Variants in ZNF229 observed in about 807,000 individuals in gnomAD.
ZNF229 encodes zinc finger protein 229.
Under a neutral mutation model 11.8 loss-of-function variants are expected in ZNF229, and 10 were observed. That is an observed-to-expected ratio of 0.85 (90% CI 0.52 to 1.44). The LOEUF is 1.44. ZNF229 is among the 40% of genes most tolerant of loss of function. The pLI is 0.00. For synonymous variants in ZNF229, 368 were observed against 374.8 expected (o/e 0.98, Z 0.21); for missense variants, 1,045 against 1,015.1 (o/e 1.03, Z -0.40).
intron 5 of ZNF229, chr19:44,431,919 T>C (rs1240907872): frequency 1.5e-6 from 1 of 651,286 alleles, no homozygotes; most frequent in African/African-American, 2.0e-5. Context: ...AGGAAAGAAA[T>C]TAGTGTCCTT....
At position 44,426,864 on chromosome 19, in the gene ZNF229, A is replaced by G. The variant is rs1412933449; in HGVS notation, c.*1439T>C. On this transcript the variant is annotated 3_prime_UTR_variant, in exon 6 of 6. Coordinates refer to ENST00000614049, the MANE Select transcript of ZNF229 (RefSeq NM_014518.4). ...GATTTTCTCTCTCACCAATAAGTAC[A>G]TAAGACTTATTACGTCCATTTTTGC... is the stretch of plus-strand genomic sequence containing the variant. 7 of 152,300 alleles carry G rather than the reference A, an allele frequency of 4.6e-5. 1 individual carries two copies. Among genetic ancestry groups the G allele is most frequent in the Admixed American group, 2.6e-4 (4 of 15,306 alleles). The allele number at this position is 152,300 out of a possible 1,614,324, so 9.4% of individuals were successfully genotyped here. A position where few individuals can be genotyped will look rare whatever the true frequency, so the allele number is the denominator to read the frequency against.
chr19:44,440,351 G>C (rs1971887027), intron 4 of ZNF229, among the ~76,000 whole-genome samples: 1 of 152,056 alleles, frequency 6.6e-6, no homozygotes, highest in African/African-American at 2.4e-5. Flanking sequence ...AAAATAAAGT[G>C]AAAGAATAGG....
intron 4 of ZNF229, among the ~76,000 whole-genome samples, chr19:44,434,977 TTATA>T (rs1477277746): frequency 3.9e-5 from 6 of 152,030 alleles, no homozygotes; most frequent in Non-Finnish European, 8.8e-5. Flanking sequence ...TCTGATGGCT[TTATA>T]AACAGGAATT....
rs200419234 is a variant in ZNF229, at chr19:44,429,275, C to A, written c.1506G>T (p.Ser502=). 10 of 1,613,816 alleles carry A rather than the reference C, an allele frequency of 6.2e-6. No homozygotes were observed. The highest frequency in any genetic ancestry group is 1.7e-5 in the Admixed American group (1 of 59,978). Residue 502 remains serine (S), a synonymous_variant, in exon 6 of 6, where the codon TCG becomes TCT. Transcript: ENST00000614049. ...DKCGKGFSHN[S]YLQAHQRVHM... Reference sequence around the variant, plus strand: ...GAACTCTCTGGTGAGCTTGAAGGTACGAGTTGTGACTGAAACCTTTGCCAC... The same window carrying A: ...GAACTCTCTGGTGAGCTTGAAGGTAAGAGTTGTGACTGAAACCTTTGCCAC...
chr19:44,430,734 C>G (rs933045252), intron 5 of ZNF229, among the ~76,000 whole-genome samples, 192 bp from the exon 6 acceptor site: 1 of 152,030 alleles, frequency 6.6e-6, no homozygotes, highest in Non-Finnish European at 1.5e-5. Flanking sequence ...CTAGTATGAT[C>G]CTATTAGTAC....
At chr19:44,432,408 G>T in intron 4 of ZNF229, 42 bp from the exon 5 acceptor site, 4 of 1,601,884 alleles carry the variant, frequency 2.5e-6, no homozygotes, top group Non-Finnish European at 3.4e-6. Context: ...ACTAGATGAA[G>T]ACAAACTGGT....
chr19:44,436,406 T>TA (rs1250148536), intron 4 of ZNF229, among the ~76,000 whole-genome samples: 1 of 151,364 alleles, frequency 6.6e-6, no homozygotes, highest in African/African-American at 2.4e-5. Context: ...AAAACCACCA[T>TA]AAAAAAAGGG....
At position 44,428,404 on chromosome 19, in the gene ZNF229, C is replaced by T; in HGVS notation, c.2377G>A (p.Glu793Lys). Reference sequence around the variant, plus strand: ...CACACACCACACGTATAGGGCTTCTCTCCAGTGTGGACTCTCTGATGAACA... The same window carrying T: ...CACACACCACACGTATAGGGCTTCTTTCCAGTGTGGACTCTCTGATGAACA... The part of the protein sequence containing the change: ...LHVHQRVHTG[E>K]KPYTCGVCGK... The change falls in exon 6 of 6, where the codon GAG becomes AAG. Residue 793 changes from glutamate to lysine, a missense_variant. Glu to Lys is a moderately conservative substitution (Grantham distance 56). Transcript: ENST00000614049. The T allele has an allele frequency of 6.2e-7, 1 of 1,614,046 alleles. No individual in the cohort carries two copies.
At position 44,427,200 on chromosome 19, in the gene ZNF229, TG is replaced by T. The variant is rs1253281242; in HGVS notation, c.*1102del. 6.7e-6 allele frequency: 1 copy of T among 148,892 alleles called. No individual in the cohort carries two copies. The highest frequency in any genetic ancestry group is 1.5e-5 in the Non-Finnish European group (1 of 67,502). 9.2% of individuals were successfully genotyped at this position (148,892 alleles called of 1,614,324 possible). A position where few individuals can be genotyped will look rare whatever the true frequency, so the allele number is the denominator to read the frequency against. On this transcript the variant is annotated 3_prime_UTR_variant, in exon 6 of 6. Coordinates refer to ENST00000614049, the MANE Select transcript of ZNF229 (RefSeq NM_014518.4). ...GATTAAAATTGAGATGAGATTTGGGTGGGGACAAGAGCCAAACCATATCAGA... is the reference window on the plus strand; with the variant it reads ...GATTAAAATTGAGATGAGATTTGGGTGGGACAAGAGCCAAACCATATCAGA...
rs1971738046 is a variant in ZNF229, at chr19:44,432,309, G to C, written c.151C>G (p.Leu51Val). The C allele has an allele frequency of 6.2e-7, 1 of 1,613,746 alleles. No homozygotes were observed. The highest frequency in any genetic ancestry group is 1.7e-5 in the Admixed American group (1 of 59,944). Residue 51 changes from leucine to valine, a missense_variant, in exon 5 of 6, where the codon CTG becomes GTG. Coordinates refer to ENST00000614049, the MANE Select transcript of ZNF229 (RefSeq NM_014518.4). The part of the protein sequence containing the change: ...VVFTEEELEL[L>V]DSTQRQLYQD... ...TACAGCTGCCTCTGGGTAGAGTCCAGCAGCTCTAGCTCCTCCTCAGTGAAG... is the reference window on the plus strand; with the variant it reads ...TACAGCTGCCTCTGGGTAGAGTCCACCAGCTCTAGCTCCTCCTCAGTGAAG...
chr19:44,438,978 A>T (rs1356813093), intron 4 of ZNF229, among the ~76,000 whole-genome samples: 1 of 152,204 alleles, frequency 6.6e-6, no homozygotes, highest in East Asian at 1.9e-4. Context: ...GGGAACCCCA[A>T]CTTGCAGCTG....
Position 44,429,194 on chromosome 19 carries a change from G to A in ZNF229, c.1587C>T (p.Ser529=), listed in dbSNP as rs776531857. 1 of 1,614,086 alleles carries A rather than the reference G, an allele frequency of 6.2e-7. No homozygotes were observed. The highest frequency in any genetic ancestry group is 8.5e-7 in the Non-Finnish European group (1 of 1,180,036). ...CNVCGKSFSY[S]SGLLMHQRLH... is the part of the protein sequence containing the mutation. ...GTCTCTGATGCATGAGAAGCCCTGA[G>A]CTGTAACTGAAACTCTTACCACACA... The change falls in exon 6 of 6, where the codon AGC becomes AGT. Residue 529 remains serine (S), a synonymous_variant. Coordinates refer to ENST00000614049, the MANE Select transcript of ZNF229 (RefSeq NM_014518.4).
At position 44,428,766 on chromosome 19, in the gene ZNF229, T is replaced by G; in HGVS notation, c.2015A>C (p.His672Pro). ...GKGFRCTSSL[H>P]KHQRVHTGKK... ...TCCCGTGTGGACTCGCTGATGTTTG[T>G]GAAGGCTTGATGTGCACCTAAAGCC... is the stretch of plus-strand genomic sequence containing the variant. Residue 672 changes from histidine to proline, a missense_variant, in exon 6 of 6, where the codon CAC (histidine) becomes CCC (proline). By Grantham distance (77) the His-to-Pro change is moderately conservative (BLOSUM62 -2). Transcript: ENST00000614049. The G allele has an allele frequency of 6.2e-7, 1 of 1,613,284 alleles. No individual in the cohort carries two copies. The highest frequency in any genetic ancestry group is 8.5e-7 in the Non-Finnish European group (1 of 1,179,480).
At chr19:44,443,946 C>A (rs1319433614) in intron 2 of ZNF229, among the ~76,000 whole-genome samples, 8 of 152,112 alleles carry the variant, frequency 5.3e-5, no homozygotes, top group African/African-American at 1.7e-4. Context: ...ACCCCCCAGA[C>A]TGAATTAATT....
At chr19:44,446,038 A>G (rs2722697) in intron 2 of ZNF229, among the ~76,000 whole-genome samples, 12,280 of 152,296 alleles carry the variant, frequency 0.081, 691 homozygotes, top group East Asian at 0.28. Flanking sequence ...AGCAGCCATA[A>G]TGAATATCTA....
rs1308745988 is a variant in ZNF229, at chr19:44,428,650, G to GT, written c.2130dup (p.Pro711ThrfsTer6). Reference sequence around the variant, plus strand: ...TTCCCACATTCACAACAAGTGTAGGGTTTCTCTCCTGTGTGCAACCTCTGG... The same window carrying GT: ...TTCCCACATTCACAACAAGTGTAGGGTTTTCTCTCCTGTGTGCAACCTCTGG... On this transcript the variant is annotated frameshift_variant, in exon 6 of 6. Transcript: ENST00000614049. LOFTEE classifies it low-confidence loss of function (END_TRUNC). 6.2e-7 allele frequency: 1 copy of GT among 1,614,016 alleles called. No homozygotes were observed. The highest frequency in any genetic ancestry group is 1.3e-5 in the African/African-American group (1 of 74,946).
chr19:44,432,707 G>A (rs1971747267), intron 4 of ZNF229, among the ~76,000 whole-genome samples: 2 of 151,988 alleles, frequency 1.3e-5, no homozygotes, highest in South Asian at 2.1e-4. Context: ...GGGGGAGTGG[G>A]GAGGGATAGC....
rs767965853 is a variant in ZNF229 at position 44,428,381 on chromosome 19, C to T, written c.2400G>A (p.Val800=). ...HTGEKPYTCG[V]CGKGFSYTSG... is the part of the protein sequence containing the mutation. ...AGGTATAACTGAAGCCTTTCCCACA[C>T]ACACCACACGTATAGGGCTTCTCTC... The change falls in exon 6 of 6, where the codon GTG becomes GTA. Residue 800 remains valine, a synonymous_variant. Coordinates refer to ENST00000614049, the MANE Select transcript of ZNF229 (RefSeq NM_014518.4). 12 of 1,614,136 alleles carry T rather than the reference C, an allele frequency of 7.4e-6. No individual in the cohort carries two copies. The South Asian group carries it at 1.3e-4, about 18-fold the overall frequency.
In ZNF229 at chr19:44,430,064, C is replaced by G; in HGVS notation, c.717G>C (p.Pro239=). 6.2e-7 allele frequency: 1 copy of G among 1,614,150 alleles called. No individual in the cohort carries two copies. Among genetic ancestry groups the G allele is most frequent in the Non-Finnish European group, 8.5e-7 (1 of 1,180,034 alleles). ...VDHRFPEIDK[P]CGCNKCRKDC... Reference sequence around the variant, plus strand: ...CTTTTCTGCATTTATTGCAACCACACGGCTTGTCTATTTCAGGGAATCTGT... The same window carrying G: ...CTTTTCTGCATTTATTGCAACCACAGGGCTTGTCTATTTCAGGGAATCTGT... Residue 239 remains proline (P), a synonymous_variant, in exon 6 of 6, where the codon CCG becomes CCC. Coordinates refer to ENST00000614049, the MANE Select transcript of ZNF229 (RefSeq NM_014518.4).
Sources: gnomAD v4.1 joint callset for allele counts (sites outside exome capture counted in the v4.1 genomes callset) on GRCh38, gnomAD v4.1.1 for gene constraint, MANE v1.5 for transcripts, NCBI Gene and HGNC (gene_info 2026-07-23, HGNC 2026-07-21) for gene names.